Variants in MACROD2 observed in about 807,000 individuals in gnomAD.
MACROD2 encodes the protein mono-ADP ribosylhydrolase 2.
Under a neutral mutation model 70.4 loss-of-function variants are expected in MACROD2, and 36 were observed. The observed-to-expected ratio is 0.51, with a 90% CI of 0.39 to 0.68. The LOEUF (loss-of-function observed/expected upper bound fraction) is 0.68, where lower values mean the gene tolerates loss of function less well. Among genes scored for constraint, MACROD2 ranks in the 30% least tolerant of loss-of-function variants. MACROD2 has a pLI of 0.00. For missense variants in MACROD2, 496 were observed against 538.4 expected (o/e 0.92, Z 0.78); for synonymous variants, 172 against 178.8 (o/e 0.96, Z 0.30).
At chr20:14,268,107 A>G (rs145621547) in intron 3 of MACROD2, among the ~76,000 whole-genome samples, 1 of 152,108 alleles carries the variant, frequency 6.6e-6, no homozygotes, top group African/African-American at 2.4e-5. Context: ...TCAAGATTGC[A>G]TAAGATTTGT....
intron 5 of MACROD2, among the ~76,000 whole-genome samples, chr20:15,051,502 C>G (rs548254216): frequency 1.2e-3 from 187 of 152,090 alleles, no homozygotes; most frequent in African/African-American, 4.2e-3. Flanking sequence ...GTGGCCGAAG[C>G]CGCAGTCTAC....
intron 13 of MACROD2, among the ~76,000 whole-genome samples, chr20:15,972,403 A>G (rs1324861058): frequency 6.6e-6 from 1 of 152,200 alleles, no homozygotes; most frequent in Admixed American, 6.5e-5. Context: ...AAGAAACATA[A>G]TGAAAATTAC....
intron 8 of MACROD2, among the ~76,000 whole-genome samples, chr20:15,521,972 A>G (rs1427045169): frequency 1.3e-5 from 2 of 152,198 alleles, no homozygotes; most frequent in Non-Finnish European, 2.9e-5. Flanking sequence ...GAACACCAGA[A>G]TGGGGTCAGC....
intron 8 of MACROD2, among the ~76,000 whole-genome samples, chr20:15,753,229 C>G (rs2051299283): frequency 6.6e-6 from 1 of 152,180 alleles, no homozygotes; most frequent in Non-Finnish European, 1.5e-5. Context: ...ATCCTGTCAT[C>G]CAAATAGTGA....
chr20:14,446,464 A>G (rs1165843889), intron 3 of MACROD2, among the ~76,000 whole-genome samples: 5 of 152,106 alleles, frequency 3.3e-5, no homozygotes, highest in African/African-American at 1.2e-4. Flanking sequence ...TTGAAGAGTT[A>G]GACCTCTTTT....
chr20:15,603,418 G>A (rs554098050), intron 8 of MACROD2, among the ~76,000 whole-genome samples: 1 of 150,300 alleles, frequency 6.7e-6, no homozygotes, highest in East Asian at 2.0e-4. Flanking sequence ...TGAGGCAGGA[G>A]AATCGCTTGA....
intron 5 of MACROD2, among the ~76,000 whole-genome samples, chr20:14,794,368 C>T (rs1181818815): frequency 6.6e-6 from 1 of 152,092 alleles, no homozygotes. Flanking sequence ...AAAGACAAAT[C>T]TTCATGTAAT....
chr20:14,722,583 G>T (rs1600587688), intron 5 of MACROD2, among the ~76,000 whole-genome samples: 1 of 152,032 alleles, frequency 6.6e-6, no homozygotes, highest in Non-Finnish European at 1.5e-5. Flanking sequence ...GTAAGTAAAT[G>T]GTTTTTAAAC....
At chr20:14,310,396 T>G (rs2122515499) in intron 3 of MACROD2, among the ~76,000 whole-genome samples, 1 of 152,254 alleles carries the variant, frequency 6.6e-6, no homozygotes, top group East Asian at 1.9e-4. Flanking sequence ...GGACTACATA[T>G]ACAATCATGG....
chr20:15,660,921 C>T (rs2049812808), intron 8 of MACROD2, among the ~76,000 whole-genome samples: 1 of 152,176 alleles, frequency 6.6e-6, no homozygotes, highest in South Asian at 2.1e-4. Context: ...TAGAAAAGAG[C>T]AACCTCTTTT....
chr20:14,882,108 C>T (rs1206836789), intron 5 of MACROD2, among the ~76,000 whole-genome samples: 2 of 152,174 alleles, frequency 1.3e-5, no homozygotes, highest in South Asian at 2.1e-4. Context: ...GAGTCAAGCT[C>T]AGGCAGTCAT....
In MACROD2 at chr20:14,429,204, G is replaced by T. The variant is rs187863787; in HGVS notation, c.272-64275G>T. On this transcript the variant is annotated intron_variant, in intron 3 of 17. Transcript: ENST00000684519. ...TCCCAGAGGTACAGGTTCTAAGGTT[G>T]TAAGAAAGCCACGGTGTTCCTATAT... 1.7e-3 allele frequency among the ~76,000 whole-genome samples: 256 copies of T among 152,240 alleles called. 2 individuals carry two copies. Among genetic ancestry groups the T allele is most frequent in the African/African-American group, 6.1e-3 (253 of 41,564 alleles).
At chr20:14,036,012 G>A (rs2053304337) in intron 2 of MACROD2, among the ~76,000 whole-genome samples, 1 of 149,604 alleles carries the variant, frequency 6.7e-6, no homozygotes, top group Non-Finnish European at 1.5e-5. Flanking sequence ...CGTGGTGGCG[G>A]GTGCCTGTAG....
At chr20:15,659,554 C>G (rs1271200730) in intron 8 of MACROD2, among the ~76,000 whole-genome samples, 2 of 151,768 alleles carry the variant, frequency 1.3e-5, no homozygotes, top group African/African-American at 2.4e-5. Context: ...CTGGTTGCCT[C>G]CTGCTTCTCC....
intron 8 of MACROD2, among the ~76,000 whole-genome samples, chr20:15,694,289 A>C (rs2146883285): frequency 6.6e-6 from 1 of 152,312 alleles, no homozygotes; most frequent in Non-Finnish European, 1.5e-5. Flanking sequence ...AGGAATCTCC[A>C]CACTGTTTTC....
intron 8 of MACROD2, among the ~76,000 whole-genome samples, chr20:15,640,229 G>A (rs1256310569): frequency 6.6e-6 from 1 of 152,014 alleles, no homozygotes; most frequent in African/African-American, 2.4e-5. Flanking sequence ...CTAGAATAAG[G>A]CAGATACAGA....
chr20:14,030,342 C>G (rs111849008), intron 2 of MACROD2, among the ~76,000 whole-genome samples: 21 of 152,220 alleles, frequency 1.4e-4, no homozygotes, highest in African/African-American at 5.1e-4. Flanking sequence ...CCAGCCTATA[C>G]TCTTCTAATT....
chr20:14,715,028 A>G (rs528466125), intron 5 of MACROD2, among the ~76,000 whole-genome samples: 1 of 152,330 alleles, frequency 6.6e-6, no homozygotes, highest in East Asian at 1.9e-4. Context: ...TGCTGCTAAT[A>G]AAGACATACC....
chr20:14,516,818 C>A (rs1197728780), intron 4 of MACROD2, among the ~76,000 whole-genome samples: 1 of 152,054 alleles, frequency 6.6e-6, no homozygotes, highest in East Asian at 1.9e-4. Flanking sequence ...TATCCAGAAT[C>A]TACAAGGAAC....
Sources: gnomAD v4.1 joint callset for allele counts (sites outside exome capture counted in the v4.1 genomes callset) on GRCh38, gnomAD v4.1.1 for gene constraint, MANE v1.5 for transcripts, NCBI Gene and HGNC (gene_info 2026-07-23, HGNC 2026-07-21) for gene names.